The following ATPAF2 variants were observed in gnomAD, a reference collection of about 807,000 sequenced individuals.
ATPAF2 encodes the protein ATP synthase mitochondrial F1 complex assembly factor 2.
Under a neutral mutation model 36.6 loss-of-function variants are expected in ATPAF2, and 30 were observed. That is an observed-to-expected ratio of 0.82 (90% CI 0.61 to 1.11). The LOEUF is 1.11. Ranked by LOEUF, ATPAF2 falls within the 50% of genes most tolerant of loss-of-function variation. ATPAF2 has a pLI of 0.00. For synonymous variants in ATPAF2, 140 were observed against 152.6 expected, an observed-to-expected ratio of 0.92 and a Z score of 0.61; for missense variants, 321 against 372.3, an observed-to-expected ratio of 0.86 and a Z score of 1.13.
chr17:18,038,386 TGTG>T (rs2044736239), intron 1 of ATPAF2, among the ~76,000 whole-genome samples: 1 of 152,188 alleles, frequency 6.6e-6, no homozygotes, highest in East Asian at 1.9e-4. Context: ...TGGCAGAGGT[TGTG>T]GTAGGAGGGA....
chr17:18,019,147 C>CCACACACACACACACACACACACACA (rs138932269), intron 7 of ATPAF2, among the ~76,000 whole-genome samples: 184 of 135,646 alleles, frequency 1.4e-3, no homozygotes, highest in East Asian at 5.7e-3. Context: ...CTCAAAAACA[C>CCACACACACACACACACACACACACA]CACACACACA....
chr17:18,038,920 T>C lies in ATPAF2; in HGVS notation c.94A>G (p.Thr32Ala), dbSNP rs779933226. ...TAAGCCCGGGCTGGAGACGGGATGGTTGGCCCCGGACTCATAGAAGCGCTG... is the reference window on the plus strand; with the variant it reads ...TAAGCCCGGGCTGGAGACGGGATGGCTGGCCCCGGACTCATAGAAGCGCTG... Reference protein sequence around the residue: ...GPSASMSPGPTIPSPARAYAP... With the variant: ...GPSASMSPGPAIPSPARAYAP... Residue 32 changes from threonine to alanine, a missense_variant, in exon 1 of 8, where the codon ACC (threonine) becomes GCC (alanine). Physicochemically the swap from Thr to Ala is moderately conservative, Grantham distance 58. Coordinates refer to ENST00000474627, the MANE Select transcript of ATPAF2 (RefSeq NM_145691.4). The C allele has an allele frequency of 5.0e-6, 8 of 1,613,834 alleles. No individual in the cohort carries two copies. The Admixed American group carries it at 6.7e-5, about 13-fold the overall frequency.
rs1185173976 is a variant in ATPAF2 at position 18,018,483 on chromosome 17, G to A, written c.*66C>T. Reference sequence around the variant, plus strand: ...GGAAGCCAGCCCCACAGGCTGGGGAGCCCTGAAGGCCGGGGGAGCTGTGGC... The same window carrying A: ...GGAAGCCAGCCCCACAGGCTGGGGAACCCTGAAGGCCGGGGGAGCTGTGGC... On this transcript the variant is annotated 3_prime_UTR_variant, in exon 8 of 8. Transcript: ENST00000474627. 6.2e-7 allele frequency: 1 copy of A among 1,603,090 alleles called. No homozygotes were observed. The highest frequency in any genetic ancestry group is 8.5e-7 in the Non-Finnish European group (1 of 1,178,282).
downstream of ATPAF2, chr17:18,016,128 A>T: frequency 1.2e-6 from 2 of 1,613,958 alleles, no homozygotes; most frequent in Non-Finnish European, 1.7e-6. Context: ...CACCTCCTGA[A>T]GATTGACAAT....
At chr17:18,034,785 C>G (rs1488092705) in intron 1 of ATPAF2, among the ~76,000 whole-genome samples, 1 of 151,314 alleles carries the variant, frequency 6.6e-6, no homozygotes, top group East Asian at 2.0e-4. Context: ...CATGAATGTT[C>G]ATAGTAGCGT....
chr17:18,024,348 C>G (rs543594152), intron 5 of ATPAF2, among the ~76,000 whole-genome samples: 20 of 152,328 alleles, frequency 1.3e-4, no homozygotes, highest in African/African-American at 4.8e-4. Flanking sequence ...GGCCTGGGAA[C>G]TCCACTGCTT....
chr17:18,016,130 A>G (rs1429608987), downstream of ATPAF2: 1 of 1,613,980 alleles, frequency 6.2e-7, no homozygotes, highest in African/African-American at 1.3e-5. Context: ...CCTCCTGAAG[A>G]TTGACAATCG....
intron 6 of ATPAF2, 47 bp downstream of exon 6, chr17:18,021,698 T>C (rs745851759): frequency 3.3e-6 from 5 of 1,516,582 alleles, no homozygotes; most frequent in South Asian, 1.1e-5. Context: ...CAGACACTGA[T>C]GGCCTTCACA....
intron 3 of ATPAF2, 100 bp downstream of exon 3, chr17:18,028,132 A>C: frequency 6.9e-7 from 1 of 1,451,896 alleles, no homozygotes; most frequent in African/African-American, 1.4e-5. Context: ...AGACAGGCAA[A>C]GGACCAGCCC....
intron 1 of ATPAF2, among the ~76,000 whole-genome samples, chr17:18,029,519 G>T (rs2044596344): frequency 6.6e-6 from 1 of 152,096 alleles, no homozygotes; most frequent in Admixed American, 6.5e-5. Flanking sequence ...CCTAACTGAA[G>T]TTATTTATTG....
chr17:18,024,823 A>G (rs2044521648), intron 4 of ATPAF2, 119 bp from the exon 5 acceptor site: 1 of 833,082 alleles, frequency 1.2e-6, no homozygotes, highest in Admixed American at 2.0e-5. Flanking sequence ...TCCCAGCCCC[A>G]CAAGTCTTTT....
chr17:18,015,755 C>T (rs1390046960), downstream of ATPAF2: 2 of 292,954 alleles, frequency 6.8e-6, no homozygotes, highest in Non-Finnish European at 1.3e-5. Flanking sequence ...GAACAGATGT[C>T]CTGGGTGAGG....
At chr17:18,030,339 A>G (rs945603824) in intron 1 of ATPAF2, among the ~76,000 whole-genome samples, 26 of 146,178 alleles carry the variant, frequency 1.8e-4, no homozygotes, top group Middle Eastern at 3.5e-3. Context: ...AAAAAAAAAA[A>G]AAAAGAAAAA....
At position 18,021,179 on chromosome 17, in the gene ATPAF2, G is replaced by C. The variant is rs199923096; in HGVS notation, c.676C>G (p.Leu226Val). ...SMVLTLGLID[L>V]RLTVEQAVLL... ...ACGGCCTGCTCCACTGTCAGGCGCA[G>C]GTCAATCAGGCCCAAGGTTAGCACC... Residue 226 changes from leucine (L) to valine (V), a missense_variant, in exon 7 of 8, where the codon CTG becomes GTG. Around this residue, in one of 3 missense-constraint regions of ATPAF2, gnomAD observed 199 missense variants for 220.6 expected, o/e 0.90. Transcript: ENST00000474627. 15 of 1,613,992 alleles carry C rather than the reference G, an allele frequency of 9.3e-6. No homozygotes were observed. Among genetic ancestry groups the C allele is most frequent in the Non-Finnish European group, 1.2e-5 (14 of 1,179,992 alleles).
chr17:18,026,662 T>C, intron 3 of ATPAF2: 1 of 581,534 alleles, frequency 1.7e-6, no homozygotes, highest in South Asian at 2.0e-5. Context: ...CCAGGATTAG[T>C]GAACCTCCCC....
intron 4 of ATPAF2, 174 bp downstream of exon 4, chr17:18,026,145 C>G (rs771431113): frequency 3.7e-5 from 26 of 694,844 alleles, no homozygotes; most frequent in Non-Finnish European, 6.1e-5. Context: ...CATTGTAGCC[C>G]GAGGAGTCCT....
chr17:18,016,871 C>CA, downstream of ATPAF2: 2 of 369,574 alleles, frequency 5.4e-6, no homozygotes, highest in Non-Finnish European at 9.3e-6. Flanking sequence ...TTCCCCTACT[C>CA]ATAAAAAAAA....
chr17:18,016,217 C>T, downstream of ATPAF2: 1 of 1,607,386 alleles, frequency 6.2e-7, no homozygotes. Flanking sequence ...CCAAGCCATC[C>T]TAGCAGGCTG....
chr17:18,023,646 T>C (rs900671769), intron 5 of ATPAF2, among the ~76,000 whole-genome samples: 21 of 152,236 alleles, frequency 1.4e-4, no homozygotes, highest in African/African-American at 4.8e-4. Context: ...CCACATAGTA[T>C]TGTAGTCTGG....
Sources: allele counts gnomAD v4.1 joint callset (sites outside exome capture counted in the v4.1 genomes callset), GRCh38; gene constraint gnomAD v4.1.1; regional missense constraint gnomAD v4.1.1; transcripts MANE v1.5; gene names NCBI Gene and HGNC (gene_info 2026-07-23, HGNC 2026-07-21).